The following PRKAG2 variants were observed in gnomAD, a reference collection of about 807,000 sequenced individuals.
PRKAG2 encodes protein kinase AMP-activated non-catalytic subunit gamma 2, also known as 5'-AMP-activated protein kinase subunit gamma-2.
A neutral mutation model predicts 69.6 loss-of-function variants in PRKAG2; 26 were observed. The ratio of observed to expected loss-of-function variants is 0.37; its 90% CI spans 0.27 to 0.52. The LOEUF is 0.52. Among genes scored for constraint, PRKAG2 ranks in the 20% least tolerant of loss-of-function variants. The probability of loss-of-function intolerance (pLI) is 0.90; values close to 1 mark genes in which losing one functional copy is unlikely to be tolerated. For missense variants in PRKAG2, 557 were observed against 740.0 expected, an observed-to-expected ratio of 0.75 and a Z score of 2.87; for synonymous variants, 293 against 285.0, an observed-to-expected ratio of 1.03 and a Z score of -0.28.
intron 3 of PRKAG2, among the ~76,000 whole-genome samples, chr7:151,712,820 G>A (rs1052897272): frequency 6.6e-6 from 1 of 152,224 alleles, no homozygotes; most frequent in African/African-American, 2.4e-5. Context: ...CTGAGGCCTC[G>A]TGGAGATTTA....
At chr7:151,778,909 GT>G (rs1403399503) in intron 3 of PRKAG2, among the ~76,000 whole-genome samples, 3 of 152,074 alleles carry the variant, frequency 2.0e-5, no homozygotes, top group Non-Finnish European at 4.4e-5. Context: ...GTATATATGT[GT>G]GTACACACAT....
intron 3 of PRKAG2, among the ~76,000 whole-genome samples, chr7:151,773,046 A>AGG (rs1229467374): frequency 9.0e-4 from 33 of 36,590 alleles, no homozygotes; most frequent in African/African-American, 1.2e-3. Flanking sequence ...AGAGAGAGAG[A>AGG]GAGAGAGGGA....
rs536046737 is a variant in PRKAG2 at position 151,745,957 on chromosome 7, C to G, written c.466+35195G>C. Among the ~76,000 whole-genome samples, 4 of 152,338 alleles carry G rather than the reference C, an allele frequency of 2.6e-5. No homozygotes were observed. The South Asian group carries it at 8.3e-4, about 32-fold the overall frequency. ...CAAGAACCTGCCCTGATTCCAGCTGCTCCGTGGCGCAGAAGCTGAGCGCTG... is the reference window on the plus strand; with the variant it reads ...CAAGAACCTGCCCTGATTCCAGCTGGTCCGTGGCGCAGAAGCTGAGCGCTG... On this transcript the variant is annotated intron_variant, in intron 3 of 15. Transcript: ENST00000287878.
At chr7:151,829,379 G>T (rs1426839289) in intron 1 of PRKAG2, among the ~76,000 whole-genome samples, 1 of 152,210 alleles carries the variant, frequency 6.6e-6, no homozygotes, top group South Asian at 2.1e-4. Flanking sequence ...TGTTGACAAG[G>T]ATACAAAGAA....
At chr7:151,706,690 T>G (rs1318904694) in intron 3 of PRKAG2, among the ~76,000 whole-genome samples, 1 of 152,262 alleles carries the variant, frequency 6.6e-6, no homozygotes. Flanking sequence ...AAAGGAAAGA[T>G]GCAAACCCAT....
At chr7:151,603,132 A>C (rs6960974) in intron 5 of PRKAG2, among the ~76,000 whole-genome samples, 5,996 of 82,310 alleles carry the variant, frequency 0.073, 319 homozygotes, top group African/African-American at 0.22. Context: ...CACGCTCCAT[A>C]CTCACCGCAC....
intron 1 of PRKAG2, among the ~76,000 whole-genome samples, chr7:151,859,053 C>T (rs2079853140): frequency 6.6e-6 from 1 of 152,214 alleles, no homozygotes; most frequent in African/African-American, 2.4e-5. Flanking sequence ...CTCAGAAAAT[C>T]CAGTGTCTCC....
intron 3 of PRKAG2, among the ~76,000 whole-genome samples, chr7:151,702,021 T>C (rs565911428): frequency 6.6e-6 from 1 of 152,138 alleles, no homozygotes; most frequent in East Asian, 1.9e-4. Flanking sequence ...CCACCCGGTG[T>C]GTGGTGCTCT....
At chr7:151,857,358 G>T (rs1345558558) in intron 1 of PRKAG2, among the ~76,000 whole-genome samples, 3 of 151,350 alleles carry the variant, frequency 2.0e-5, no homozygotes, top group African/African-American at 7.3e-5. Context: ...CCTGTGAGAG[G>T]GGGCTGTGCC....
At chr7:151,633,432 A>C (rs894720785) in intron 4 of PRKAG2, among the ~76,000 whole-genome samples, 1 of 152,132 alleles carries the variant, frequency 6.6e-6, no homozygotes, top group African/African-American at 2.4e-5. Flanking sequence ...AGAAAAGGAA[A>C]GAAAACGCAT....
intron 1 of PRKAG2, among the ~76,000 whole-genome samples, chr7:151,870,586 T>C (rs996052838): frequency 1.3e-5 from 2 of 152,176 alleles, no homozygotes; most frequent in African/African-American, 4.8e-5. Context: ...AGCGTTTCAG[T>C]GGTGTGAGGG....
In PRKAG2 at chr7:151,690,827, A is replaced by T. The variant is rs561561866; in HGVS notation, c.467-15190T>A. 2.6e-5 allele frequency among the ~76,000 whole-genome samples: 4 copies of T among 152,222 alleles called. No homozygotes were observed. The East Asian group carries it at 5.8e-4, about 22-fold the overall frequency. ...CACTTAGCACATTCCAATGTTATCAAATGATAGAGTGCTGGGTTGTTTCCT... is the reference window on the plus strand; with the variant it reads ...CACTTAGCACATTCCAATGTTATCATATGATAGAGTGCTGGGTTGTTTCCT... On this transcript the variant is annotated intron_variant, in intron 3 of 15. Transcript: ENST00000287878.
chr7:151,679,773 A>C (rs1793029149), intron 3 of PRKAG2, among the ~76,000 whole-genome samples: 1 of 151,742 alleles, frequency 6.6e-6, no homozygotes, highest in Non-Finnish European at 1.5e-5. Context: ...GCATGATCAA[A>C]ACTAGCCCTG....
At chr7:151,791,039 C>T (rs1029020542) in intron 1 of PRKAG2, among the ~76,000 whole-genome samples, 1 of 152,164 alleles carries the variant, frequency 6.6e-6, no homozygotes, top group African/African-American at 2.4e-5. Flanking sequence ...AGCCCAACAT[C>T]GTGGCCTGCT....
intron 4 of PRKAG2, among the ~76,000 whole-genome samples, chr7:151,636,431 G>A (rs1825747982): frequency 6.6e-6 from 1 of 152,134 alleles, no homozygotes; most frequent in Non-Finnish European, 1.5e-5. Flanking sequence ...TTTGTGACTA[G>A]CTTCCGCTTA....
At chr7:151,612,101 G>C (rs1421349784) in intron 5 of PRKAG2, among the ~76,000 whole-genome samples, 1 of 152,140 alleles carries the variant, frequency 6.6e-6, no homozygotes, top group Non-Finnish European at 1.5e-5. Context: ...GGAGGACAGC[G>C]ACACCAGCAT....
intron 5 of PRKAG2, among the ~76,000 whole-genome samples, chr7:151,627,490 C>G (rs2536057): frequency 0.87 from 131,627 of 151,966 alleles, 57,157 homozygotes; most frequent in Non-Finnish European, 0.91. Flanking sequence ...GCCAGGCATG[C>G]TGGTGCATGC....
chr7:151,560,412 A>C (rs377465301), intron 15 of PRKAG2, 112 bp downstream of exon 15: 5 of 1,605,782 alleles, frequency 3.1e-6, no homozygotes, highest in Non-Finnish European at 4.3e-6. Flanking sequence ...AATATACTCA[A>C]AGCCTTGATC....
At chr7:151,742,330 G>T (rs6464169) in intron 3 of PRKAG2, among the ~76,000 whole-genome samples, 17,644 of 152,170 alleles carry the variant, frequency 0.12, 2,599 homozygotes, top group African/African-American at 0.34. Flanking sequence ...AAAGGCAAAA[G>T]AAGAAGCATG....
Sources: gnomAD v4.1 joint callset for allele counts (sites outside exome capture counted in the v4.1 genomes callset) on GRCh38, gnomAD v4.1.1 for gene constraint, MANE v1.5 for transcripts, NCBI Gene and HGNC (gene_info 2026-07-23, HGNC 2026-07-21) for gene names.